Variants in CCSER1 observed in about 807,000 individuals in gnomAD.
The protein encoded by CCSER1 is coiled-coil serine rich protein 1, also known as serine-rich coiled-coil domain-containing protein 1.
CCSER1 carries 41 observed loss-of-function variants against 82.0 expected under a neutral mutation model. That is an observed-to-expected ratio of 0.50 (90% confidence interval 0.39 to 0.65). CCSER1 has a LOEUF of 0.65. Among genes scored for constraint, CCSER1 ranks in the 30% least tolerant of loss-of-function variants. CCSER1 has a pLI of 0.00. For synonymous variants in CCSER1, 414 were observed against 383.9 expected (o/e 1.08, Z -0.92); for missense variants, 1,119 against 1,064.2 (o/e 1.05, Z -0.72).
intron 10 of CCSER1, among the ~76,000 whole-genome samples, chr4:91,476,047 A>G (rs1757576983): frequency 6.6e-6 from 1 of 151,802 alleles, no homozygotes; most frequent in South Asian, 2.1e-4. Context: ...ACATCGATGG[A>G]CATTTAGGTT....
At chr4:91,506,238 G>A (rs951313803) in intron 10 of CCSER1, among the ~76,000 whole-genome samples, 2 of 152,140 alleles carry the variant, frequency 1.3e-5, no homozygotes, top group African/African-American at 4.8e-5. Context: ...AGATCAGATG[G>A]TTGTAGATGT....
At chr4:91,398,968 A>G (rs1752157363) in intron 10 of CCSER1, among the ~76,000 whole-genome samples, 1 of 151,984 alleles carries the variant, frequency 6.6e-6, no homozygotes, top group South Asian at 2.1e-4. Flanking sequence ...TGAATTATAA[A>G]TATTGAGTTA....
chr4:90,632,263 A>G (rs965994693), intron 6 of CCSER1, among the ~76,000 whole-genome samples: 2 of 152,114 alleles, frequency 1.3e-5, no homozygotes, highest in Admixed American at 6.5e-5. Flanking sequence ...AAATCCCATT[A>G]GCTCATTCCA....
intron 10 of CCSER1, among the ~76,000 whole-genome samples, chr4:91,576,649 T>C (rs77753790): frequency 0.038 from 5,768 of 152,102 alleles, 205 homozygotes; most frequent in South Asian, 0.16. Context: ...TTTATGGATA[T>C]GTCTTGGGAG....
At chr4:90,426,696 A>G (rs1300335425) in intron 4 of CCSER1, among the ~76,000 whole-genome samples, 2 of 152,206 alleles carry the variant, frequency 1.3e-5, no homozygotes, top group African/African-American at 4.8e-5. Context: ...GTGATATGAA[A>G]TAAAATACTG....
intron 10 of CCSER1, among the ~76,000 whole-genome samples, chr4:91,126,063 A>AT (rs908064680): frequency 4.9e-4 from 74 of 151,842 alleles, no homozygotes; most frequent in African/African-American, 1.6e-3. Flanking sequence ...AAAGTTATAG[A>AT]TAAGTTAGTA....
intron 5 of CCSER1, among the ~76,000 whole-genome samples, chr4:90,477,968 A>G (rs1413132122): frequency 6.6e-6 from 1 of 152,156 alleles, no homozygotes; most frequent in Non-Finnish European, 1.5e-5. Context: ...TTTTGTCATC[A>G]GTATTGAAAA....
At chr4:91,335,106 C>T (rs926386611) in intron 10 of CCSER1, among the ~76,000 whole-genome samples, 2 of 151,898 alleles carry the variant, frequency 1.3e-5, no homozygotes, top group Non-Finnish European at 2.9e-5. Flanking sequence ...GGGGATTTTT[C>T]AGCCTGGAGC....
At chr4:91,402,148 T>C (rs1188747319) in intron 10 of CCSER1, among the ~76,000 whole-genome samples, 1 of 152,234 alleles carries the variant, frequency 6.6e-6, no homozygotes, top group Non-Finnish European at 1.5e-5. Context: ...TGATGGGCAG[T>C]GATGATGAGC....
intron 7 of CCSER1, among the ~76,000 whole-genome samples, chr4:90,746,622 T>C (rs1747525367): frequency 6.6e-6 from 1 of 152,116 alleles, no homozygotes. Flanking sequence ...TGTCCTCCAT[T>C]CTAAAAACCT....
chr4:91,573,483 A>C (rs1763290344), intron 10 of CCSER1, among the ~76,000 whole-genome samples: 1 of 152,134 alleles, frequency 6.6e-6, no homozygotes, highest in African/African-American at 2.4e-5. Context: ...CTCTGCCAAG[A>C]GTCTGCATAG....
intron 10 of CCSER1, among the ~76,000 whole-genome samples, chr4:91,538,007 C>A (rs1462863977): frequency 6.6e-6 from 1 of 151,904 alleles, no homozygotes; most frequent in Non-Finnish European, 1.5e-5. Context: ...TGGTTATATT[C>A]AGATAGACAC....
At chr4:90,441,599 A>G (rs1759887833) in intron 4 of CCSER1, among the ~76,000 whole-genome samples, 1 of 152,092 alleles carries the variant, frequency 6.6e-6, no homozygotes, top group Non-Finnish European at 1.5e-5. Flanking sequence ...ACTTCAACAT[A>G]AGAATTTGGG....
At chr4:91,068,287 C>A (rs11736589) in intron 9 of CCSER1, among the ~76,000 whole-genome samples, 1,792 of 152,170 alleles carry the variant, frequency 0.012, 19 homozygotes, top group South Asian at 0.021. Flanking sequence ...TCAGTTAGTT[C>A]TTTGGGTTTG....
chr4:90,778,548 A>G (rs1324533405), intron 7 of CCSER1, among the ~76,000 whole-genome samples: 4 of 151,608 alleles, frequency 2.6e-5, no homozygotes, highest in Non-Finnish European at 4.4e-5. Flanking sequence ...AAACACAAAA[A>G]GAAACCCATA....
intron 1 of CCSER1, among the ~76,000 whole-genome samples, chr4:90,265,319 A>G (rs942676588): frequency 3.3e-5 from 5 of 151,776 alleles, no homozygotes; most frequent in Admixed American, 2.6e-4. Context: ...ATATATTTGT[A>G]TGTATATTAT....
chr4:90,829,344 A>G (rs528682507), intron 8 of CCSER1, among the ~76,000 whole-genome samples: 1 of 152,314 alleles, frequency 6.6e-6, no homozygotes, highest in East Asian at 1.9e-4. Flanking sequence ...TTATAATGTG[A>G]ACAATTCATA....
At chr4:91,080,018 A>G (rs542374465) in intron 9 of CCSER1, among the ~76,000 whole-genome samples, 1 of 152,260 alleles carries the variant, frequency 6.6e-6, no homozygotes, top group East Asian at 1.9e-4. Context: ...CAAGACAGAA[A>G]GTTAATAAGG....
chr4:91,057,528 A>G (rs187116076), intron 9 of CCSER1, among the ~76,000 whole-genome samples: 5 of 152,310 alleles, frequency 3.3e-5, no homozygotes, highest in African/African-American at 4.8e-5. Flanking sequence ...TGTTATAACC[A>G]AAGAAATCAT....
Sources: gnomAD v4.1 joint callset for allele counts (sites outside exome capture counted in the v4.1 genomes callset) on GRCh38, gnomAD v4.1.1 for gene constraint, MANE v1.5 for transcripts, NCBI Gene and HGNC (gene_info 2026-07-23, HGNC 2026-07-21) for gene names.